RFX2: variants seen among roughly 807,000 people sequenced by gnomAD.
The protein encoded by RFX2 is regulatory factor X2, also known as DNA-binding protein RFX2.
A neutral mutation model predicts 87.8 loss-of-function variants in RFX2; 20 were observed. The ratio of observed to expected loss-of-function variants is 0.23; its 90% CI spans 0.16 to 0.33. RFX2 has a LOEUF of 0.33. Ranked by LOEUF, RFX2 falls within the 10% of genes least tolerant of loss-of-function variation. The pLI is 1.00. For synonymous variants in RFX2, 397 were observed against 431.3 expected, an observed-to-expected ratio of 0.92 and a Z score of 0.98; for missense variants, 767 against 1,012.3, an observed-to-expected ratio of 0.76 and a Z score of 3.29.
intron 5 of RFX2, among the ~76,000 whole-genome samples, chr19:6,031,357 A>AT (rs1290548925): frequency 6.7e-6 from 1 of 149,104 alleles, no homozygotes; most frequent in Non-Finnish European, 1.5e-5. Flanking sequence ...AAAATTAATA[A>AT]TTTTTACTGC....
Position 6,063,524 on chromosome 19 carries a change from G to T in RFX2, c.-8-16020C>A, listed in dbSNP as rs1033295763. ...CCCCTCCAGCAGGGCCAGGCAGGCT[G>T]GGCAGCCCTCTGTCCCTCAAAGTCC... On this transcript the variant is annotated intron_variant, in intron 1 of 17. Transcript: ENST00000303657. The surrounding 1 kb of genome is among the most constrained non-coding windows in gnomAD (Gnocchi z 4.0). Among the ~76,000 whole-genome samples the T allele has an allele frequency of 2.0e-5, 3 of 152,192 alleles. No individual in the cohort carries two copies. The highest frequency in any genetic ancestry group is 6.5e-5 in the Admixed American group (1 of 15,284).
In RFX2 at chr19:6,017,195, T is replaced by C. The variant is rs542799993; in HGVS notation, c.598-924A>G. On this transcript the variant is annotated intron_variant, in intron 6 of 17. Coordinates refer to ENST00000303657, the MANE Select transcript of RFX2 (RefSeq NM_000635.4). The surrounding 1 kb of genome is among the most constrained non-coding windows in gnomAD (Gnocchi z 4.1). ...AGTGAGCTAGGGTCGCGCCACACTG[T>C]ACTCCAGCCTGGGCGACAGGGCAAG... is the stretch of plus-strand genomic sequence containing the variant. 4.5e-3 allele frequency among the ~76,000 whole-genome samples: 690 copies of C among 152,304 alleles called. 3 individuals are homozygous for C. Among genetic ancestry groups the C allele is most frequent in the Non-Finnish European group, 7.8e-3 (530 of 68,020 alleles).
rs547902570 is a variant in RFX2, at chr19:6,005,582, T to G, written c.1403-1284A>C. ...GGTCTCCAAGGGCACGAGTGATCTC[T>G]GCCGTGGGCCTAGCTTCCTTCCTCA... On this transcript the variant is annotated intron_variant, in intron 12 of 17. Transcript: ENST00000303657. 5.3e-5 allele frequency among the ~76,000 whole-genome samples: 8 copies of G among 152,328 alleles called. No homozygotes were observed. The East Asian group carries it at 1.2e-3, about 22-fold the overall frequency.
chr19:6,011,246 G>A lies in RFX2; in HGVS notation c.900-995C>T, dbSNP rs1192496607. On this transcript the variant is annotated intron_variant, in intron 8 of 17. Transcript: ENST00000303657. The surrounding 1 kb of genome is among the most constrained non-coding windows in gnomAD (Gnocchi z 4.8). Reference sequence around the variant, plus strand: ...GTTCTGAGACTTTCATTTTGAGCCAGATGGTGGTGGCCAGCCTGTGCAGGC... The same window carrying A: ...GTTCTGAGACTTTCATTTTGAGCCAAATGGTGGTGGCCAGCCTGTGCAGGC... Among the ~76,000 whole-genome samples, 2 of 152,246 alleles carry A rather than the reference G, an allele frequency of 1.3e-5. No homozygotes were observed. The highest frequency in any genetic ancestry group is 4.8e-5 in the African/African-American group (2 of 41,460).
chr19:6,012,475 C>T lies in RFX2; in HGVS notation c.899+511G>A, dbSNP rs1022716074. ...TGTGTAGGACTGTGAAAGGACTCTG[C>T]GTGACACTGTGATGGGGGACACATG... On this transcript the variant is annotated intron_variant, in intron 8 of 17. Coordinates refer to ENST00000303657, the MANE Select transcript of RFX2 (RefSeq NM_000635.4). This position sits in a 1 kb window ranked among gnomAD's most constrained non-coding sequence, Gnocchi z 4.6. Among the ~76,000 whole-genome samples, 3 of 152,122 alleles carry T rather than the reference C, an allele frequency of 2.0e-5. No homozygotes were observed. The highest frequency in any genetic ancestry group is 6.5e-5 in the Admixed American group (1 of 15,288).
intron 1 of RFX2, among the ~76,000 whole-genome samples, chr19:6,100,390 G>A (rs2088100371): frequency 6.6e-6 from 1 of 152,234 alleles, no homozygotes; most frequent in South Asian, 2.1e-4. Context: ...GTTGGGAGAA[G>A]AGGAAGAGAT....
intron 1 of RFX2, among the ~76,000 whole-genome samples, chr19:6,077,372 G>A (rs1457053395): frequency 2.0e-5 from 3 of 152,174 alleles, no homozygotes; most frequent in African/African-American, 7.2e-5. Flanking sequence ...AAACCCGGGA[G>A]CACTGGTGGC....
In RFX2 at chr19:6,004,322, T is replaced by C. The variant is rs374155031; in HGVS notation, c.1403-24A>G. On this transcript the variant is annotated intron_variant, in intron 12 of 17. Coordinates refer to ENST00000303657, the MANE Select transcript of RFX2 (RefSeq NM_000635.4). This position sits in a 1 kb window ranked among gnomAD's most constrained non-coding sequence, Gnocchi z 4.8. ...ACCTGGGGGATACAGACCATGATAT[T>C]ACCAGGGAGAAAGGCAGTGACTGGA... 20 of 1,584,182 alleles carry C rather than the reference T, an allele frequency of 1.3e-5. No homozygotes were observed. In the African/African-American group the frequency reaches 2.0e-4, roughly 16 times the overall value.
rs2086726947 is a variant in RFX2 at position 6,016,408 on chromosome 19, T to G, written c.598-137A>C. 3.4e-6 allele frequency: 2 copies of G among 595,306 alleles called. No homozygotes were observed. Among genetic ancestry groups the G allele is most frequent in the Admixed American group, 6.8e-5 (2 of 29,610 alleles). The allele number at this position is 595,306 out of a possible 1,614,324, so 36.9% of individuals were successfully genotyped here. Reference sequence around the variant, plus strand: ...AGGAAATCCATCTTTTCTTTCTTTTTGAGGCGGAGTCTTGCTCTGTCACCC... The same window carrying G: ...AGGAAATCCATCTTTTCTTTCTTTTGGAGGCGGAGTCTTGCTCTGTCACCC... On this transcript the variant is annotated intron_variant, in intron 6 of 17. Transcript: ENST00000303657. This position sits in a 1 kb window ranked among gnomAD's most constrained non-coding sequence, Gnocchi z 5.4.
rs915347222 is a variant in RFX2 at position 6,013,680 on chromosome 19, G to C, written c.780-575C>G. 6.6e-6 allele frequency among the ~76,000 whole-genome samples: 1 copy of C among 152,006 alleles called. No homozygotes were observed. The highest frequency in any genetic ancestry group is 2.4e-5 in the African/African-American group (1 of 41,380). On this transcript the variant is annotated intron_variant, in intron 7 of 17. Coordinates refer to ENST00000303657, the MANE Select transcript of RFX2 (RefSeq NM_000635.4). The surrounding 1 kb of genome is among the most constrained non-coding windows in gnomAD (Gnocchi z 4.1). ...ACAGCTGGCGTGTGCCAACACACTC[G>C]GATGGTAGAAGTGATCCTCCTGCTG...
chr19:6,050,157 A>G lies in RFX2; in HGVS notation c.-8-2653T>C, dbSNP rs1237109842. Among the ~76,000 whole-genome samples, 1 of 152,228 alleles carries G rather than the reference A, an allele frequency of 6.6e-6. No homozygotes were observed. The highest frequency in any genetic ancestry group is 1.5e-5 in the Non-Finnish European group (1 of 68,036). ...CAGCAGTGCAAAGATAAAAAAATTA[A>G]GTGAAGATTTCAGCTGCTGCCTGTT... On this transcript the variant is annotated intron_variant, in intron 1 of 17. Coordinates refer to ENST00000303657, the MANE Select transcript of RFX2 (RefSeq NM_000635.4). The surrounding 1 kb of genome is among the most constrained non-coding windows in gnomAD (Gnocchi z 4.6).
rs191819912 is a variant in RFX2 at position 6,032,547 on chromosome 19, A to G, written c.523-6310T>C. Among the ~76,000 whole-genome samples, 267 of 152,354 alleles carry G rather than the reference A, an allele frequency of 1.8e-3. 1 individual carries two copies. The highest frequency in any genetic ancestry group is 2.9e-3 in the Admixed American group (44 of 15,306). On this transcript the variant is annotated intron_variant, in intron 5 of 17. Transcript: ENST00000303657. The stretch of plus-strand genomic sequence containing the variant: ...AAAAGCCCAACGCTGTGGTCCAGGC[A>G]GAGGAGGCCAGCAGGGCTGAGAGGC...
intron 7 of RFX2, among the ~76,000 whole-genome samples, chr19:6,014,696 C>T (rs1247082597): frequency 6.6e-6 from 1 of 152,192 alleles, no homozygotes; most frequent in East Asian, 1.9e-4. Context: ...GGAGGCCCCT[C>T]CAGGAGCAGG....
chr19:6,035,533 G>A (rs1419293095), intron 5 of RFX2, among the ~76,000 whole-genome samples: 1 of 152,148 alleles, frequency 6.6e-6, no homozygotes, highest in Admixed American at 6.5e-5. Flanking sequence ...CCAAGAGTCT[G>A]GAATCACTCG....
chr19:6,071,502 A>C (rs779483028), intron 1 of RFX2, among the ~76,000 whole-genome samples: 4 of 152,202 alleles, frequency 2.6e-5, no homozygotes, highest in Non-Finnish European at 4.4e-5. Context: ...ATGAAAATGA[A>C]GCGAAGAAAG....
At chr19:6,105,417 G>A (rs1023954687) in intron 1 of RFX2, among the ~76,000 whole-genome samples, 8 of 152,268 alleles carry the variant, frequency 5.3e-5, no homozygotes, top group Non-Finnish European at 1.0e-4. Context: ...CCAGCAGGGT[G>A]GAAGTGCAGT....
At chr19:6,098,887 CTCG>C in intron 1 of RFX2, among the ~76,000 whole-genome samples, 1 of 146,616 alleles carries the variant, frequency 6.8e-6, no homozygotes, top group African/African-American at 2.5e-5. Flanking sequence ...TCTGCCACTG[CTCG>C]TGGCCCAGGG....
At chr19:6,000,666 T>G (rs904199455) in intron 15 of RFX2, among the ~76,000 whole-genome samples, 1 of 152,266 alleles carries the variant, frequency 6.6e-6, no homozygotes, top group African/African-American at 2.4e-5. Flanking sequence ...AGATGTGCCT[T>G]TGCTCTTCCT....
rs1405572351 is a variant in RFX2 at position 6,016,507 on chromosome 19, C to T, written c.598-236G>A. Among the ~76,000 whole-genome samples the T allele has an allele frequency of 6.6e-6, 1 of 152,240 alleles. No homozygotes were observed. Among genetic ancestry groups the T allele is most frequent in the Non-Finnish European group, 1.5e-5 (1 of 68,044 alleles). ...CTGGGTTCAAGCAATTTTCCTCCCT[C>T]AGCCTCCCAGGTAGCTGGGATTACA... On this transcript the variant is annotated intron_variant, in intron 6 of 17. Coordinates refer to ENST00000303657, the MANE Select transcript of RFX2 (RefSeq NM_000635.4). This position sits in a 1 kb window ranked among gnomAD's most constrained non-coding sequence, Gnocchi z 5.4.
Sources: gnomAD v4.1 joint callset for allele counts (sites outside exome capture counted in the v4.1 genomes callset) on GRCh38, gnomAD v4.1.1 for gene constraint, Gnocchi (gnomAD v3.1) non-coding constraint, MANE v1.5 for transcripts, NCBI Gene and HGNC (gene_info 2026-07-23, HGNC 2026-07-21) for gene names.